ETV6: variants seen among roughly 807,000 people sequenced by gnomAD.
The protein encoded by ETV6 is transcription factor ETV6.
Under a neutral mutation model 51.1 loss-of-function variants are expected in ETV6, and 16 were observed. That is an observed-to-expected ratio of 0.31 (90% CI 0.21 to 0.48). The LOEUF is 0.48. Ranked by LOEUF, ETV6 falls within the 20% of genes least tolerant of loss-of-function variation. ETV6 has a pLI of 0.99. For synonymous variants in ETV6, 240 were observed against 224.1 expected, an observed-to-expected ratio of 1.07 and a Z score of -0.64; for missense variants, 458 against 594.8, an observed-to-expected ratio of 0.77 and a Z score of 2.39.
rs147679524 is a variant in ETV6 at position 11,682,004 on chromosome 12, A to T, written c.33+31844A>T. On this transcript the variant is annotated intron_variant, in intron 1 of 7. Transcript: ENST00000396373. ...TTTGGGTTGGTTCCAAGTCTTTGCTATTGTGAACAGTGTCACAATAAACAT... is the reference window on the plus strand; with the variant it reads ...TTTGGGTTGGTTCCAAGTCTTTGCTTTTGTGAACAGTGTCACAATAAACAT... Among the ~76,000 whole-genome samples, 98 of 152,314 alleles carry T rather than the reference A, an allele frequency of 6.4e-4. 1 individual carries two copies. The East Asian group carries it at 0.014, about 22-fold the overall frequency.
chr12:11,750,776 T>G, intron 1 of ETV6: 1 of 476,328 alleles, frequency 2.1e-6, no homozygotes, highest in Non-Finnish European at 4.0e-6. Flanking sequence ...GATTTTATGT[T>G]TCCTATATGT....
At chr12:11,827,811 C>T (rs1946181439) in intron 2 of ETV6, among the ~76,000 whole-genome samples, 1 of 152,142 alleles carries the variant, frequency 6.6e-6, no homozygotes, top group Admixed American at 6.5e-5. Flanking sequence ...CTGTGCCGGG[C>T]ACCAGAGATG....
intron 4 of ETV6, among the ~76,000 whole-genome samples, chr12:11,866,676 A>G (rs1348537080): frequency 3.9e-5 from 6 of 152,168 alleles, no homozygotes; most frequent in African/African-American, 1.2e-4. Flanking sequence ...GTGTTTACAG[A>G]GCCTTTGAAC....
chr12:11,718,833 T>TA (rs1442393020), intron 1 of ETV6, among the ~76,000 whole-genome samples: 1 of 152,106 alleles, frequency 6.6e-6, no homozygotes, highest in Non-Finnish European at 1.5e-5. Context: ...TACTGTATTT[T>TA]AGAATAAGCA....
chr12:11,668,958 A>G (rs113217653), intron 1 of ETV6, among the ~76,000 whole-genome samples: 1 of 152,152 alleles, frequency 6.6e-6, no homozygotes. Context: ...GGTGTGCTGT[A>G]CTGAGCTCAG....
At chr12:11,715,218 A>C (rs1040059512) in intron 1 of ETV6, among the ~76,000 whole-genome samples, 1 of 152,216 alleles carries the variant, frequency 6.6e-6, no homozygotes, top group Non-Finnish European at 1.5e-5. Context: ...TGGCCTTTAG[A>C]TAGACTGGAT....
At chr12:11,714,783 A>G (rs1386724402) in intron 1 of ETV6, among the ~76,000 whole-genome samples, 1 of 152,022 alleles carries the variant, frequency 6.6e-6, no homozygotes, top group Non-Finnish European at 1.5e-5. Flanking sequence ...TGAGGAGGGC[A>G]GGGGCATGTG....
chr12:11,683,385 T>C (rs1465241401), intron 1 of ETV6, among the ~76,000 whole-genome samples: 1 of 152,230 alleles, frequency 6.6e-6, no homozygotes, highest in African/African-American at 2.4e-5. Context: ...TCACATTTCA[T>C]AGGTAACACA....
At chr12:11,761,879 A>G (rs528425472) in intron 2 of ETV6, among the ~76,000 whole-genome samples, 25 of 152,354 alleles carry the variant, frequency 1.6e-4, no homozygotes, top group African/African-American at 6.0e-4. Flanking sequence ...CACAAGGGGT[A>G]TCAGCAGTGG....
intron 2 of ETV6, among the ~76,000 whole-genome samples, chr12:11,832,323 G>A (rs1946255779): frequency 6.6e-6 from 1 of 152,234 alleles, no homozygotes; most frequent in African/African-American, 2.4e-5. Flanking sequence ...GGGAATTGAA[G>A]CCTGAGATGG....
chr12:11,887,876 C>G (rs1947222514), intron 7 of ETV6, among the ~76,000 whole-genome samples: 1 of 152,182 alleles, frequency 6.6e-6, no homozygotes, highest in African/African-American at 2.4e-5. Context: ...TCCTGTATCC[C>G]AGTCATTGTG....
chr12:11,811,098 T>C (rs1184578053), intron 2 of ETV6, among the ~76,000 whole-genome samples: 1 of 152,180 alleles, frequency 6.6e-6, no homozygotes, highest in South Asian at 2.1e-4. Context: ...TCAGGGTTTT[T>C]CCCCCCTGTG....
intron 2 of ETV6, among the ~76,000 whole-genome samples, chr12:11,786,336 G>GTT (rs35075041): frequency 2.8e-3 from 414 of 149,460 alleles, no homozygotes; most frequent in Middle Eastern, 7.0e-3. Context: ...AACTTAATTT[G>GTT]TTTTTTTTTT....
chr12:11,755,262 C>T (rs1272647223), intron 2 of ETV6, among the ~76,000 whole-genome samples: 3 of 152,228 alleles, frequency 2.0e-5, no homozygotes, highest in African/African-American at 7.2e-5. Context: ...ACGTAGACAG[C>T]TATAAAATAT....
intron 2 of ETV6, among the ~76,000 whole-genome samples, chr12:11,757,844 G>A (rs552600136): frequency 1.3e-4 from 20 of 152,292 alleles, no homozygotes; most frequent in South Asian, 1.0e-3. Flanking sequence ...CTTCTCCCTC[G>A]TAGTAGGATG....
chr12:11,735,583 CGATGATGAT>C (rs748490340), intron 1 of ETV6, among the ~76,000 whole-genome samples: 3 of 151,966 alleles, frequency 2.0e-5, no homozygotes, highest in African/African-American at 7.3e-5. Context: ...TTGTCACTTA[CGATGATGAT>C]GATGATGATG....
At chr12:11,728,184 C>T (rs968365617) in intron 1 of ETV6, among the ~76,000 whole-genome samples, 7 of 152,184 alleles carry the variant, frequency 4.6e-5, no homozygotes, top group Non-Finnish European at 5.9e-5. Flanking sequence ...AGGCTTCTGT[C>T]ACCTGTCTAC....
At chr12:11,805,709 T>C (rs1220208533) in intron 2 of ETV6, among the ~76,000 whole-genome samples, 1 of 152,208 alleles carries the variant, frequency 6.6e-6, no homozygotes, top group Non-Finnish European at 1.5e-5. Flanking sequence ...TCATTGAATT[T>C]GCTGTGGAAA....
intron 2 of ETV6, among the ~76,000 whole-genome samples, chr12:11,821,729 A>G (rs1946084138): frequency 6.6e-6 from 1 of 152,130 alleles, no homozygotes. Flanking sequence ...AGTCCTAACC[A>G]CTTGGAAGGC....
Sources: gnomAD v4.1 joint callset for allele counts (sites outside exome capture counted in the v4.1 genomes callset) on GRCh38, gnomAD v4.1.1 for gene constraint, MANE v1.5 for transcripts, NCBI Gene and HGNC (gene_info 2026-07-23, HGNC 2026-07-21) for gene names.